The following TRIM67 variants were observed in gnomAD, a reference collection of about 807,000 sequenced individuals.
TRIM67 encodes tripartite motif containing 67, also known as tripartite motif-containing protein 67.
Under a neutral mutation model 71.0 loss-of-function variants are expected in TRIM67, and 39 were observed. That is an observed-to-expected ratio of 0.55 (90% CI 0.43 to 0.72). The LOEUF (loss-of-function observed/expected upper bound fraction) is 0.72. Among genes scored for constraint, TRIM67 ranks in the 30% least tolerant of loss-of-function variants. The pLI is 0.00. For synonymous variants in TRIM67, 481 were observed against 473.9 expected (o/e 1.01, Z -0.19); for missense variants, 973 against 1,079.2 (o/e 0.90, Z 1.38).
chr1:231,186,252 G>T, intron 1 of TRIM67: 1 of 1,245,758 alleles, frequency 8.0e-7, no homozygotes, highest in Non-Finnish European at 1.1e-6. Flanking sequence ...GCAAAAGCAG[G>T]ATTTCTTCCT....
rs1222534963 is a variant in TRIM67, at chr1:231,215,778, C to A, written c.*338C>A. The A allele has an allele frequency of 3.7e-6, 4 of 1,090,454 alleles. No homozygotes were observed. Among genetic ancestry groups the A allele is most frequent in the Non-Finnish European group, 4.5e-6 (4 of 898,214 alleles). The allele number at this position is 1,090,454 out of a possible 1,614,324, so 67.5% of individuals were successfully genotyped here. On this transcript the variant is annotated 3_prime_UTR_variant, in exon 10 of 10. Transcript: ENST00000366653. ...CCTGCCATCTGTTTTCAAAGCTTGT[C>A]TTTTTTTGGAGGGAGAGGAAGGTAG... is the stretch of plus-strand genomic sequence containing the variant.
chr1:231,213,935 C>CG lies in TRIM67; in HGVS notation c.2248dup (p.Val750GlyfsTer25), dbSNP rs1683939561. On this transcript the variant is annotated frameshift_variant, in exon 9 of 10. Transcript: ENST00000366653. LOFTEE classifies it high-confidence loss of function. ...GCCCCACAGCCTTCAGCCACGTGGA[C>CG]GGGGTCTTCATGCCAGCCCTCAGCC... 6.2e-7 allele frequency: 1 copy of CG among 1,613,362 alleles called. No individual in the cohort carries two copies. The highest frequency in any genetic ancestry group is 8.5e-7 in the Non-Finnish European group (1 of 1,179,610).
rs900244602 is a variant in TRIM67, at chr1:231,199,481, G to A, written c.1263+312G>A. Among the ~76,000 whole-genome samples, 7 of 152,132 alleles carry A rather than the reference G, an allele frequency of 4.6e-5. No individual in the cohort carries two copies. The South Asian group carries it at 1.4e-3, about 32-fold the overall frequency. ...CAGAAGTGACCAATGACAGTGACTA[G>A]CCCTGACCCTGTTCAGGTCTCCAGC... On this transcript the variant is annotated intron_variant, in intron 3 of 9. Coordinates refer to ENST00000366653, the MANE Select transcript of TRIM67 (RefSeq NM_001004342.5).
At chr1:231,211,643 G>C (rs1309522778) in intron 8 of TRIM67, among the ~76,000 whole-genome samples, 2 of 152,164 alleles carry the variant, frequency 1.3e-5, no homozygotes, top group African/African-American at 2.4e-5. Flanking sequence ...AGTCCTCCTC[G>C]GGACTTCCTG....
At chr1:231,211,585 G>T (rs539964817) in intron 8 of TRIM67, among the ~76,000 whole-genome samples, 4 of 152,266 alleles carry the variant, frequency 2.6e-5, no homozygotes, top group South Asian at 4.2e-4. Context: ...GGGCACCCTC[G>T]GGGGAAACCC....
Position 231,218,491 on chromosome 1 carries a change from T to G in TRIM67, c.*3051T>G. 1.0e-6 allele frequency: 1 copy of G among 985,470 alleles called. No individual in the cohort carries two copies. Among genetic ancestry groups the G allele is most frequent in the South Asian group, 4.7e-5 (1 of 21,284 alleles). 61.0% of individuals were successfully genotyped at this position (985,470 alleles called of 1,614,324 possible). On this transcript the variant is annotated 3_prime_UTR_variant, in exon 10 of 10. Coordinates refer to ENST00000366653, the MANE Select transcript of TRIM67 (RefSeq NM_001004342.5). Reference sequence around the variant, plus strand: ...AGTGTATGCCTTTTCCTTTTAAAATTAATCTCTTCCGAAAATATCCACTAG... The same window carrying G: ...AGTGTATGCCTTTTCCTTTTAAAATGAATCTCTTCCGAAAATATCCACTAG...
chr1:231,216,416 C>T lies in TRIM67; in HGVS notation c.*976C>T. Reference sequence around the variant, plus strand: ...ATAGGTCTTCGCCTGGTGATGGCTCCTTTCTGAAACTGGCAGCCCAAGAAG... The same window carrying T: ...ATAGGTCTTCGCCTGGTGATGGCTCTTTTCTGAAACTGGCAGCCCAAGAAG... On this transcript the variant is annotated 3_prime_UTR_variant, in exon 10 of 10. Coordinates refer to ENST00000366653, the MANE Select transcript of TRIM67 (RefSeq NM_001004342.5). 1 of 985,358 alleles carries T rather than the reference C, an allele frequency of 1.0e-6. No individual in the cohort carries two copies. The allele number at this position is 985,358 out of a possible 1,614,324, so 61.0% of individuals were successfully genotyped here.
intron 1 of TRIM67, among the ~76,000 whole-genome samples, chr1:231,193,776 G>A (rs912155479): frequency 4.6e-5 from 7 of 152,096 alleles, no homozygotes; most frequent in Admixed American, 6.5e-5. Context: ...TGGCAAGAGA[G>A]GAATTGAGAG....
In TRIM67 at chr1:231,219,189, A is replaced by G. The variant is rs1684084361; in HGVS notation, c.*3749A>G. 1.0e-6 allele frequency: 1 copy of G among 985,294 alleles called. No individual in the cohort carries two copies. Among genetic ancestry groups the G allele is most frequent in the Non-Finnish European group, 1.2e-6 (1 of 830,018 alleles). 61.0% of individuals were successfully genotyped at this position (985,294 alleles called of 1,614,324 possible). A position where few individuals can be genotyped will look rare whatever the true frequency, so the allele number is the denominator to read the frequency against. ...CGTGGGGTGGCGCCAGGGTTTCTCAACCTCTACTGACATTTTGCGATAGGT... is the reference window on the plus strand; with the variant it reads ...CGTGGGGTGGCGCCAGGGTTTCTCAGCCTCTACTGACATTTTGCGATAGGT... On this transcript the variant is annotated 3_prime_UTR_variant, in exon 10 of 10. Transcript: ENST00000366653.
rs150659600 is a variant in TRIM67, at chr1:231,217,114, C to T, written c.*1674C>T. 1.6e-5 allele frequency: 16 copies of T among 985,840 alleles called. No homozygotes were observed. Among genetic ancestry groups the T allele is most frequent in the Non-Finnish European group, 1.9e-5 (16 of 830,028 alleles). The allele number at this position is 985,840 out of a possible 1,614,324, so 61.1% of individuals were successfully genotyped here. A position where few individuals can be genotyped will look rare whatever the true frequency, so the allele number is the denominator to read the frequency against. On this transcript the variant is annotated 3_prime_UTR_variant, in exon 10 of 10. Transcript: ENST00000366653. ...CTGCCGGAGCCATGCAGGTACCCCC[C>T]CTCCACTCAGCAGGCCCGACAATCC...
chr1:231,203,009 G>C (rs1683593586), intron 5 of TRIM67, among the ~76,000 whole-genome samples: 1 of 152,156 alleles, frequency 6.6e-6, no homozygotes, highest in African/African-American at 2.4e-5. Context: ...GCAGGGCCCA[G>C]GGGATGGAGC....
chr1:231,173,441 C>T (rs1471250498), intron 1 of TRIM67, among the ~76,000 whole-genome samples: 1 of 152,144 alleles, frequency 6.6e-6, no homozygotes, highest in East Asian at 1.9e-4. Context: ...GAAAAACAAT[C>T]ACTGAGGAGG....
intron 1 of TRIM67, chr1:231,186,210 A>G (rs1189910344): frequency 6.7e-7 from 1 of 1,493,598 alleles, no homozygotes; most frequent in Non-Finnish European, 9.0e-7. Flanking sequence ...TTGAGCCCAA[A>G]GGGCCAGAAG....
At chr1:231,212,288 C>T (rs948643463) in intron 8 of TRIM67, among the ~76,000 whole-genome samples, 1 of 152,116 alleles carries the variant, frequency 6.6e-6, no homozygotes, top group Non-Finnish European at 1.5e-5. Context: ...ATGCCGGACA[C>T]GAACTCAAGG....
chr1:231,210,259 A>C (rs1203920115), intron 8 of TRIM67, among the ~76,000 whole-genome samples: 1 of 152,142 alleles, frequency 6.6e-6, no homozygotes, highest in Non-Finnish European at 1.5e-5. Flanking sequence ...CCCCAGCCCC[A>C]GGCAAAATTG....
At chr1:231,187,183 C>T (rs1683104949) in intron 1 of TRIM67, among the ~76,000 whole-genome samples, 2 of 152,130 alleles carry the variant, frequency 1.3e-5, no homozygotes, top group African/African-American at 4.8e-5. Flanking sequence ...AAAATAGCCA[C>T]ATTTAAGCAA....
In TRIM67 at chr1:231,211,037, T is replaced by A. The variant is rs1445689960; in HGVS notation, c.2123+1787T>A. Among the ~76,000 whole-genome samples, 3 of 134,972 alleles carry A rather than the reference T, an allele frequency of 2.2e-5. No homozygotes were observed. In the East Asian group the frequency reaches 6.4e-4, roughly 29 times the overall value. 88.5% of individuals were successfully genotyped at this position (134,972 alleles called of 152,430 possible). ...CTCTCTACCAAAAAAAAAAAATATATATATATATATATATTTTGTTTGTTT... is the reference window on the plus strand; with the variant it reads ...CTCTCTACCAAAAAAAAAAAATATAAATATATATATATATTTTGTTTGTTT... On this transcript the variant is annotated intron_variant, in intron 8 of 9. Transcript: ENST00000366653.
chr1:231,173,192 CAAAT>C (rs1318798407), intron 1 of TRIM67, among the ~76,000 whole-genome samples: 1 of 151,980 alleles, frequency 6.6e-6, no homozygotes, highest in Admixed American at 6.6e-5. Context: ...AGTAAATGAA[CAAAT>C]AAATAAGCTG....
At chr1:231,168,104 G>A (rs1682526309) in intron 1 of TRIM67, among the ~76,000 whole-genome samples, 1 of 152,090 alleles carries the variant, frequency 6.6e-6, no homozygotes, top group African/African-American at 2.4e-5. Flanking sequence ...CAGGACTACA[G>A]GCACACCCCA....
Sources: allele counts gnomAD v4.1 joint callset (sites outside exome capture counted in the v4.1 genomes callset), GRCh38; gene constraint gnomAD v4.1.1; transcripts MANE v1.5; gene names NCBI Gene and HGNC (gene_info 2026-07-23, HGNC 2026-07-21).